The following ABCC4 variants were observed in gnomAD, a reference collection of about 807,000 sequenced individuals.
ABCC4 encodes the protein ATP binding cassette subfamily C member 4 (PEL blood group).
Under a neutral mutation model 168.5 loss-of-function variants are expected in ABCC4, and 102 were observed. The ratio of observed to expected loss-of-function variants is 0.61; its 90% confidence interval spans 0.52 to 0.71. The LOEUF is 0.71. Ranked by LOEUF, ABCC4 falls within the 30% of genes least tolerant of loss-of-function variation. The probability of loss-of-function intolerance (pLI) is 0.00; values close to 1 mark genes in which losing one functional copy is unlikely to be tolerated. For synonymous variants in ABCC4, 617 were observed against 590.7 expected, an observed-to-expected ratio of 1.04 and a Z score of -0.65; for missense variants, 1,402 against 1,605.8, an observed-to-expected ratio of 0.87 and a Z score of 2.17.
In ABCC4 at chr13:95,301,336, G is replaced by A; in HGVS notation, c.-22C>T. The A allele has an allele frequency of 6.4e-7, 1 of 1,570,078 alleles. No homozygotes were observed. Among genetic ancestry groups the A allele is most frequent in the Non-Finnish European group, 8.6e-7 (1 of 1,159,746 alleles). ...GCATCTTGCCGGGCGGGGCGGGCGC[G>A]GGCCGGGGTCGCGCTGATCAGGCGG... On this transcript the variant is annotated 5_prime_UTR_variant, in exon 1 of 31. Transcript: ENST00000645237.
chr13:95,279,087 A>C (rs567659375), intron 1 of ABCC4, among the ~76,000 whole-genome samples: 8 of 152,212 alleles, frequency 5.3e-5, no homozygotes, highest in Non-Finnish European at 1.0e-4. Flanking sequence ...AAAATGCACC[A>C]GGAAACACAG....
chr13:95,208,034 C>A (rs2274410), intron 6 of ABCC4, 109 bp from the exon 7 acceptor site: 804,787 of 1,272,096 alleles, frequency 0.63, 257,125 homozygotes, highest in Non-Finnish European at 0.66. Flanking sequence ...AGCGCTTTTG[C>A]TTCCGACAAC....
At chr13:95,127,848 T>C (rs1354664869) in intron 19 of ABCC4, among the ~76,000 whole-genome samples, 1 of 152,206 alleles carries the variant, frequency 6.6e-6, no homozygotes, top group Non-Finnish European at 1.5e-5. Flanking sequence ...CGTAACATGT[T>C]TCAATTGTGA....
chr13:95,180,121 G>T (rs558675276), intron 11 of ABCC4, among the ~76,000 whole-genome samples: 1 of 152,238 alleles, frequency 6.6e-6, no homozygotes, highest in South Asian at 2.1e-4. Context: ...AAGACACACA[G>T]GAGTCCCCTA....
At chr13:95,283,654 A>G (rs1248382230) in intron 1 of ABCC4, among the ~76,000 whole-genome samples, 1 of 152,078 alleles carries the variant, frequency 6.6e-6, no homozygotes, top group Admixed American at 6.6e-5. Context: ...ACAGTGGCTC[A>G]CACCTCTAAT....
chr13:95,250,572 C>T (rs1371660021), intron 1 of ABCC4, among the ~76,000 whole-genome samples: 1 of 152,042 alleles, frequency 6.6e-6, no homozygotes, highest in East Asian at 1.9e-4. Context: ...ACACAGGAAG[C>T]CATCAGCTTC....
At chr13:95,167,562 G>A (rs1185197525) in intron 14 of ABCC4, among the ~76,000 whole-genome samples, 2 of 152,128 alleles carry the variant, frequency 1.3e-5, no homozygotes, top group Non-Finnish European at 2.9e-5. Context: ...GGGCCCTTTG[G>A]ACCAGTTTGA....
rs2041300132 is a variant in ABCC4, at chr13:95,287,928, G to C, written c.74+13313C>G. ...ATGGTGGCATGCACCTATAGTCCCA[G>C]CTACTCGGGAGGCTGAGGCACGAGA... On this transcript the variant is annotated intron_variant, in intron 1 of 30. Transcript: ENST00000645237. 2.0e-5 allele frequency among the ~76,000 whole-genome samples: 3 copies of C among 151,900 alleles called. No individual in the cohort carries two copies. The East Asian group carries it at 5.8e-4, about 29-fold the overall frequency.
intron 10 of ABCC4, among the ~76,000 whole-genome samples, 155 bp from the exon 11 acceptor site, chr13:95,187,047 T>C (rs904536372): frequency 5.9e-5 from 9 of 152,166 alleles, no homozygotes; most frequent in African/African-American, 1.9e-4. Flanking sequence ...GGAAATAACA[T>C]AATGGTCCAC....
At position 95,097,592 on chromosome 13, in the gene ABCC4, C is replaced by CTTTT. The variant is rs56169430; in HGVS notation, c.2536-14306_2536-14303dup. ...ACTCCACAGCTACAGAATATACATTCTTTTTTTTTTTTTTTTTTTTTTTTC... is the reference window on the plus strand; with the variant it reads ...ACTCCACAGCTACAGAATATACATTCTTTTTTTTTTTTTTTTTTTTTTTTTTTTC... On this transcript the variant is annotated intron_variant, in intron 20 of 30. Coordinates refer to ENST00000645237, the MANE Select transcript of ABCC4 (RefSeq NM_005845.5). Among the ~76,000 whole-genome samples, 39 of 82,096 alleles carry CTTTT rather than the reference C, an allele frequency of 4.8e-4. 2 individuals are homozygous for CTTTT. Among genetic ancestry groups the CTTTT allele is most frequent in the East Asian group, 2.1e-3 (5 of 2,356 alleles). 53.9% of individuals were successfully genotyped at this position (82,096 alleles called of 152,430 possible).
chr13:95,293,337 G>A (rs571307778), intron 1 of ABCC4, among the ~76,000 whole-genome samples: 10 of 151,766 alleles, frequency 6.6e-5, no homozygotes, highest in East Asian at 3.9e-4. Context: ...CAGCCTGTGC[G>A]ACAGAGACTC....
At position 95,082,952 on chromosome 13, in the gene ABCC4, C is replaced by T. The variant is rs528961488; in HGVS notation, c.2686+188G>A. ...TCCTTATTCCAAATGCAAAGTTGCA[C>T]GTTGCAGGCTATCAATTCCACATGC... On this transcript the variant is annotated intron_variant, in intron 21 of 30. Coordinates refer to ENST00000645237, the MANE Select transcript of ABCC4 (RefSeq NM_005845.5). Among the ~76,000 whole-genome samples the T allele has an allele frequency of 3.3e-5, 5 of 152,200 alleles. No individual in the cohort carries two copies. In the South Asian group the frequency reaches 1.0e-3, roughly 32 times the overall value.
chr13:95,069,598 C>T (rs1406912801), intron 25 of ABCC4, among the ~76,000 whole-genome samples: 1 of 152,140 alleles, frequency 6.6e-6, no homozygotes, highest in Non-Finnish European at 1.5e-5. Flanking sequence ...ACTCTGTACC[C>T]ATTAAACACT....
chr13:95,173,316 C>T (rs1193606973), intron 13 of ABCC4, among the ~76,000 whole-genome samples: 1 of 152,212 alleles, frequency 6.6e-6, no homozygotes, highest in African/African-American at 2.4e-5. Context: ...TTCATGCATT[C>T]GCAGTCTAGT....
At position 95,178,081 on chromosome 13, in the gene ABCC4, A is replaced by C; in HGVS notation, c.1556T>G (p.Leu519Arg). 6.2e-7 allele frequency: 1 copy of C among 1,614,124 alleles called. No homozygotes were observed. Among genetic ancestry groups the C allele is most frequent in the Non-Finnish European group, 8.5e-7 (1 of 1,179,948 alleles). Residue 519 changes from leucine to arginine, a missense_variant, in exon 12 of 31, where the codon CTG becomes CGG. Physicochemically the swap from Leu to Arg is moderately radical, Grantham distance 102 (BLOSUM62 -2). Coordinates refer to ENST00000645237, the MANE Select transcript of ABCC4 (RefSeq NM_005845.5). The stretch of plus-strand genomic sequence containing the variant: ...CACAGTCAGATCACCATCCTCCAAC[A>C]GCTGTAAATCCTGTATGGACAAAGG... ...KACALKKDLQ[L>R]LEDGDLTVIG...
At chr13:95,210,888 T>A in intron 4 of ABCC4, 107 bp from the exon 5 acceptor site, 1 of 736,518 alleles carries the variant, frequency 1.4e-6, no homozygotes, top group Non-Finnish European at 2.3e-6. Flanking sequence ...AGACCAGATC[T>A]AAGCACAAGC....
intron 19 of ABCC4, among the ~76,000 whole-genome samples, chr13:95,129,981 A>AAG (rs1305351451): frequency 2.6e-5 from 4 of 152,078 alleles, no homozygotes; most frequent in African/African-American, 4.8e-5. Flanking sequence ...AGGCTGAGGC[A>AAG]GAAGAATCGC....
intron 1 of ABCC4, among the ~76,000 whole-genome samples, chr13:95,267,252 C>A (rs1199309312): frequency 6.6e-6 from 1 of 151,954 alleles, no homozygotes; most frequent in Non-Finnish European, 1.5e-5. Context: ...TGGGAGGCAA[C>A]TGAATCATGG....
chr13:95,281,292 A>ACT (rs1343248323), intron 1 of ABCC4, among the ~76,000 whole-genome samples: 5 of 105,876 alleles, frequency 4.7e-5, no homozygotes, highest in African/African-American at 1.9e-4. Flanking sequence ...GGCGACAGAG[A>ACT]CTCTCTCAAA....
Sources: allele counts gnomAD v4.1 joint callset (sites outside exome capture counted in the v4.1 genomes callset), GRCh38; gene constraint gnomAD v4.1.1; transcripts MANE v1.5; gene names NCBI Gene and HGNC (gene_info 2026-07-23, HGNC 2026-07-21).